Variants in FAM118B observed in about 807,000 individuals in gnomAD.
FAM118B encodes protein FAM118B.
FAM118B carries 24 observed loss-of-function variants against 38.5 expected under a neutral mutation model. The observed-to-expected ratio is 0.62, with a 90% confidence interval of 0.45 to 0.88. FAM118B has a LOEUF of 0.88. FAM118B is among the 40% of genes least tolerant of loss of function. FAM118B has a pLI of 0.00. For missense variants in FAM118B, 334 were observed against 420.0 expected, an observed-to-expected ratio of 0.80 and a Z score of 1.79; for synonymous variants, 138 against 156.3, an observed-to-expected ratio of 0.88 and a Z score of 0.87.
Position 126,262,030 on chromosome 11 carries a change from G to C in FAM118B, c.1043-90G>C, listed in dbSNP as rs143723487. 4.0e-6 allele frequency: 5 copies of C among 1,235,454 alleles called. No individual in the cohort carries two copies. In the Admixed American group the frequency reaches 7.8e-5, roughly 19 times the overall value. 76.5% of individuals were successfully genotyped at this position (1,235,454 alleles called of 1,614,324 possible). On this transcript the variant is annotated intron_variant, in intron 8 of 8. Coordinates refer to ENST00000533050, the MANE Select transcript of FAM118B (RefSeq NM_024556.4). ...AGAATCTCCTGTCTTGCCTTCTGAA[G>C]GGTTAGGATTGACTTAAGTATCTGC...
Position 126,262,096 on chromosome 11 carries a change from GTTCTCTT to G in FAM118B, c.1043-19_1043-13del. ...AACCTGTTTTGTGAAACTTCATTTT[GTTCTCTT>G]TTCTTTCTCCCTACAGGCTGTAGTA... On this transcript the variant is annotated splice_polypyrimidine_tract_variant and intron_variant, in intron 8 of 8. Transcript: ENST00000533050. The G allele has an allele frequency of 6.2e-7, 1 of 1,613,768 alleles. No individual in the cohort carries two copies. Among genetic ancestry groups the G allele is most frequent in the Middle Eastern group, 1.7e-4 (1 of 6,060 alleles).
Position 126,256,520 on chromosome 11 carries a change from TTGAG to T in FAM118B, c.697-44_697-41del. 6.3e-7 allele frequency: 1 copy of T among 1,580,580 alleles called. No individual in the cohort carries two copies. Among genetic ancestry groups the T allele is most frequent in the Non-Finnish European group, 8.6e-7 (1 of 1,157,752 alleles). ...ATGACCTTCTTGTTTCAGACTTGCC[TTGAG>T]TGTGTCTTCACAATGTCAATATGTT... On this transcript the variant is annotated intron_variant, in intron 6 of 8. Coordinates refer to ENST00000533050, the MANE Select transcript of FAM118B (RefSeq NM_024556.4). This position sits in a 1 kb window ranked among gnomAD's most constrained non-coding sequence, Gnocchi z 6.6.
chr11:126,225,829 A>C (rs1472981345), intron 1 of FAM118B, among the ~76,000 whole-genome samples: 1 of 152,110 alleles, frequency 6.6e-6, no homozygotes, highest in African/African-American at 2.4e-5. Context: ...AAAATACAAA[A>C]ATTAGCTGGG....
At position 126,254,195 on chromosome 11, in the gene FAM118B, A is replaced by G. The variant is rs80053563; in HGVS notation, c.568-110A>G. On this transcript the variant is annotated intron_variant, in intron 5 of 8. Coordinates refer to ENST00000533050, the MANE Select transcript of FAM118B (RefSeq NM_024556.4). ...CATTCTTGTCCTATATCATGAAGCT[A>G]GAGAGTTTATGTCAGAAGTCTAGTC... 4,935 of 1,304,158 alleles carry G rather than the reference A, an allele frequency of 3.8e-3. 120 individuals carry two copies. In the African/African-American group the frequency reaches 0.051, roughly 14 times the overall value. 80.8% of individuals were successfully genotyped at this position (1,304,158 alleles called of 1,614,324 possible).
chr11:126,248,007 G>A (rs1405745817), intron 4 of FAM118B, among the ~76,000 whole-genome samples: 2 of 149,110 alleles, frequency 1.3e-5, no homozygotes, highest in Non-Finnish European at 3.0e-5. Flanking sequence ...TATACAAGGC[G>A]TGGTGGCACG....
rs2135110648 is a variant in FAM118B at position 126,211,847 on chromosome 11, G to C, written c.-77+17G>C. On this transcript the variant is annotated intron_variant, in intron 1 of 8. Coordinates refer to ENST00000533050, the MANE Select transcript of FAM118B (RefSeq NM_024556.4). ...GGAGACTCGGTGAGTGTGTAGGGAA[G>C]CCGGGCTGGGGCTGGGAAATGCCGG... 1 of 572,548 alleles carries C rather than the reference G, an allele frequency of 1.7e-6. No homozygotes were observed. The highest frequency in any genetic ancestry group is 4.7e-4 in the Middle Eastern group (1 of 2,142). 35.5% of individuals were successfully genotyped at this position (572,548 alleles called of 1,614,324 possible).
In FAM118B at chr11:126,256,909, G is replaced by A; in HGVS notation, c.982+57G>A. ...GAGAACAACAGCTCTTCAGCCTTTT[G>A]TGTATTTGTGATGTGATGGGCAAAA... On this transcript the variant is annotated intron_variant, in intron 7 of 8. Coordinates refer to ENST00000533050, the MANE Select transcript of FAM118B (RefSeq NM_024556.4). This position sits in a 1 kb window ranked among gnomAD's most constrained non-coding sequence, Gnocchi z 6.6. 6.6e-7 allele frequency: 1 copy of A among 1,525,788 alleles called. No individual in the cohort carries two copies. The highest frequency in any genetic ancestry group is 8.9e-7 in the Non-Finnish European group (1 of 1,128,226). 94.5% of individuals were successfully genotyped at this position (1,525,788 alleles called of 1,614,324 possible).
chr11:126,235,994 A>G (rs76012507), intron 3 of FAM118B, among the ~76,000 whole-genome samples: 90 of 152,314 alleles, frequency 5.9e-4, no homozygotes, highest in African/African-American at 2.1e-3. Flanking sequence ...ATGCTCTGAC[A>G]GAAGAATAAA....
Position 126,262,323 on chromosome 11 carries a change from T to G in FAM118B, c.*190T>G. ...TCATACCACCTGGTTCTTGATATTC[T>G]GCCGCCTGTTCAAGTTCAAGAATAA... On this transcript the variant is annotated 3_prime_UTR_variant, in exon 9 of 9. Coordinates refer to ENST00000533050, the MANE Select transcript of FAM118B (RefSeq NM_024556.4). 1.8e-6 allele frequency: 1 copy of G among 543,942 alleles called. No individual in the cohort carries two copies. 33.7% of individuals were successfully genotyped at this position (543,942 alleles called of 1,614,324 possible).
chr11:126,248,558 G>A (rs368569128), intron 4 of FAM118B, among the ~76,000 whole-genome samples: 1 of 151,690 alleles, frequency 6.6e-6, no homozygotes, highest in African/African-American at 2.4e-5. Flanking sequence ...TTAGTAGAGA[G>A]ATGGGGTTTC....
intron 4 of FAM118B, among the ~76,000 whole-genome samples, chr11:126,243,447 G>A (rs1353397595): frequency 2.7e-5 from 4 of 150,424 alleles, no homozygotes; most frequent in African/African-American, 9.8e-5. Context: ...CTCGGTGACA[G>A]AGCAAGACCC....
rs1949951464 is a variant in FAM118B, at chr11:126,214,514, G to GTTGTTTTTGTTT, written c.-77+2686_-77+2687insGTTTTTGTTTTT. 197 of 41,510 alleles carry GTTGTTTTTGTTT rather than the reference G, an allele frequency of 4.7e-3. 2 individuals are homozygous for GTTGTTTTTGTTT. The highest frequency in any genetic ancestry group is 0.01 in the African/African-American group (180 of 17,332). The allele number at this position is 41,510 out of a possible 1,614,324, so 2.6% of individuals were successfully genotyped here. A position where few individuals can be genotyped will look rare whatever the true frequency, so the allele number is the denominator to read the frequency against. On this transcript the variant is annotated intron_variant, in intron 1 of 8. Coordinates refer to ENST00000533050, the MANE Select transcript of FAM118B (RefSeq NM_024556.4). ...TGTTTTTTTTTTTTGTTTTTTTTTT[G>GTTGTTTTTGTTT]TTTTTTTTTTTTTACCTCTATATTG...
At chr11:126,227,118 A>G (rs1263181759) in intron 1 of FAM118B, among the ~76,000 whole-genome samples, 5 of 132,104 alleles carry the variant, frequency 3.8e-5, no homozygotes, top group Non-Finnish European at 7.7e-5. Flanking sequence ...GCTGGAGGGC[A>G]GTGGCATGAT....
intron 2 of FAM118B, among the ~76,000 whole-genome samples, chr11:126,233,022 T>C (rs1052728826): frequency 2.6e-5 from 4 of 152,176 alleles, no homozygotes; most frequent in African/African-American, 7.2e-5. Flanking sequence ...TTTAACAAAA[T>C]TGTTGCATTG....
rs542741057 is a variant in FAM118B, at chr11:126,257,812, TA to T, written c.982+961del. Among the ~76,000 whole-genome samples, 163 of 152,272 alleles carry T rather than the reference TA, an allele frequency of 1.1e-3. 1 individual carries two copies. Among genetic ancestry groups the T allele is most frequent in the African/African-American group, 3.7e-3 (155 of 41,548 alleles). On this transcript the variant is annotated intron_variant, in intron 7 of 8. Coordinates refer to ENST00000533050, the MANE Select transcript of FAM118B (RefSeq NM_024556.4). The stretch of plus-strand genomic sequence containing the variant: ...TAATGGTGATATTCAAGTCAGAGGA[TA>T]GGGGTATCATACACTTGATATTTTA...
intron 3 of FAM118B, among the ~76,000 whole-genome samples, chr11:126,238,279 T>C (rs973878758): frequency 3.9e-5 from 6 of 152,074 alleles, no homozygotes; most frequent in African/African-American, 1.4e-4. Context: ...AGAGAATCAC[T>C]TGAACCCAGG....
At chr11:126,251,973 CGTTTTGTTTTGTTTT>C (rs546709233) in intron 5 of FAM118B, among the ~76,000 whole-genome samples, 10 of 151,154 alleles carry the variant, frequency 6.6e-5, no homozygotes, top group South Asian at 6.3e-4. Flanking sequence ...TGTGCCTGGC[CGTTTTGTTTTGTTTT>C]GTTTTGTTTT....
At chr11:126,261,823 T>C (rs190945625) in intron 8 of FAM118B, among the ~76,000 whole-genome samples, 1 of 152,248 alleles carries the variant, frequency 6.6e-6, no homozygotes, top group Non-Finnish European at 1.5e-5. Context: ...ATGCTGTTTC[T>C]ACAAAAAAAA....
In FAM118B at chr11:126,211,825, G is replaced by A. The variant is rs777275048; in HGVS notation, c.-82G>A. ...AGCTGGAGCAGTGGCGTTTGGAGGA[G>A]ACTCGGTGAGTGTGTAGGGAAGCCG... On this transcript the variant is annotated 5_prime_UTR_variant, in exon 1 of 9. Coordinates refer to ENST00000533050, the MANE Select transcript of FAM118B (RefSeq NM_024556.4). The A allele has an allele frequency of 4.8e-6, 3 of 627,348 alleles. No individual in the cohort carries two copies. The highest frequency in any genetic ancestry group is 8.3e-6 in the Non-Finnish European group (3 of 362,570). 38.9% of individuals were successfully genotyped at this position (627,348 alleles called of 1,614,324 possible). A position where few individuals can be genotyped will look rare whatever the true frequency, so the allele number is the denominator to read the frequency against.
Sources: allele counts gnomAD v4.1 joint callset (sites outside exome capture counted in the v4.1 genomes callset), GRCh38; gene constraint gnomAD v4.1.1; non-coding constraint Gnocchi (gnomAD v3.1); transcripts MANE v1.5; gene names NCBI Gene and HGNC (gene_info 2026-07-23, HGNC 2026-07-21).